The following KLHL1 variants were observed in gnomAD, a reference collection of about 807,000 sequenced individuals.
KLHL1 encodes the protein kelch like family member 1.
A neutral mutation model predicts 77.7 loss-of-function variants in KLHL1; 47 were observed. The observed-to-expected ratio is 0.60, with a 90% CI of 0.48 to 0.77. KLHL1 has a LOEUF of 0.77. Ranked by LOEUF, KLHL1 falls within the 30% of genes least tolerant of loss-of-function variation. The pLI is 0.00. For missense variants in KLHL1, 925 were observed against 910.8 expected (o/e 1.02, Z -0.20); for synonymous variants, 360 against 325.2 (o/e 1.11, Z -1.15).
chr13:69,707,562 C>T (rs970758140), intron 10 of KLHL1, 63 bp downstream of exon 10: 24 of 1,493,630 alleles, frequency 1.6e-5, no homozygotes, highest in Non-Finnish European at 2.2e-5. Flanking sequence ...TACCCCTCCT[C>T]CACAGAAAGT....
chr13:70,024,320 A>G (rs1170945999), intron 1 of KLHL1, among the ~76,000 whole-genome samples: 1 of 151,922 alleles, frequency 6.6e-6, no homozygotes, highest in African/African-American at 2.4e-5. Flanking sequence ...TATTTTCATG[A>G]TAACCATAAC....
At chr13:70,040,480 A>G (rs1050926308) in intron 1 of KLHL1, among the ~76,000 whole-genome samples, 4 of 152,192 alleles carry the variant, frequency 2.6e-5, no homozygotes, top group Non-Finnish European at 2.9e-5. Context: ...CTTATTCCAT[A>G]TAGAATTCTG....
chr13:70,107,580 C>T lies in KLHL1; in HGVS notation c.120G>A (p.Gln40=), dbSNP rs754747379. The T allele has an allele frequency of 2.5e-6, 4 of 1,604,140 alleles. No individual in the cohort carries two copies. The highest frequency in any genetic ancestry group is 3.4e-6 in the Non-Finnish European group (4 of 1,174,860). ...GGPAGGGCLQ[Q]DGSGSFEHWG... ...AGTGCTCAAAGCTGCCACTGCCGTC[C>T]TGTTGCAGGCAGCCTCCCCCCGCCG... The change falls in exon 1 of 11, where the codon CAG becomes CAA. Residue 40 remains glutamine (Q), a synonymous_variant. Transcript: ENST00000377844.
intron 8 of KLHL1, among the ~76,000 whole-genome samples, chr13:69,731,158 T>C (rs1873528507): frequency 6.6e-6 from 1 of 152,160 alleles, no homozygotes; most frequent in South Asian, 2.1e-4. Flanking sequence ...ATATATACAT[T>C]TTCTATTGAG....
intron 1 of KLHL1, among the ~76,000 whole-genome samples, chr13:70,077,742 A>G (rs966182607): frequency 1.3e-5 from 2 of 152,036 alleles, no homozygotes; most frequent in African/African-American, 2.4e-5. Context: ...TAAAAATCTA[A>G]CTGCTTTTAA....
intron 7 of KLHL1, among the ~76,000 whole-genome samples, chr13:69,774,815 C>A (rs1387096440): frequency 3.9e-5 from 6 of 152,110 alleles, no homozygotes; most frequent in African/African-American, 1.2e-4. Context: ...TATGTGTTAT[C>A]TTTTATTGTA....
In KLHL1 at chr13:69,777,253, T is replaced by A. The variant is rs534568193; in HGVS notation, c.1639+19485A>T. ...TGTAAGTCTATTAAACCTCTTTTTCTTTTTAAATTATCCATTCTCAGGTAT... is the reference window on the plus strand; with the variant it reads ...TGTAAGTCTATTAAACCTCTTTTTCATTTTAAATTATCCATTCTCAGGTAT... On this transcript the variant is annotated intron_variant, in intron 7 of 10. Transcript: ENST00000377844. Among the ~76,000 whole-genome samples, 5 of 152,276 alleles carry A rather than the reference T, an allele frequency of 3.3e-5. No individual in the cohort carries two copies. In the East Asian group the frequency reaches 9.7e-4, roughly 29 times the overall value.
At chr13:69,884,745 T>C (rs1881131780) in intron 4 of KLHL1, among the ~76,000 whole-genome samples, 1 of 152,122 alleles carries the variant, frequency 6.6e-6, no homozygotes, top group South Asian at 2.1e-4. Flanking sequence ...CCTGAATAAA[T>C]TGGTTTGCTT....
intron 1 of KLHL1, among the ~76,000 whole-genome samples, chr13:70,090,215 C>T (rs999830372): frequency 6.6e-6 from 1 of 152,026 alleles, no homozygotes; most frequent in Non-Finnish European, 1.5e-5. Context: ...GAAGACATAT[C>T]AAACAGTAAC....
At chr13:69,846,409 A>G (rs1879461503) in intron 5 of KLHL1, among the ~76,000 whole-genome samples, 1 of 151,544 alleles carries the variant, frequency 6.6e-6, no homozygotes, top group Non-Finnish European at 1.5e-5. Context: ...ATTTACCAAT[A>G]TGAAAAATCG....
intron 7 of KLHL1, among the ~76,000 whole-genome samples, chr13:69,749,398 A>T (rs560781377): frequency 6.6e-6 from 1 of 152,120 alleles, no homozygotes; most frequent in African/African-American, 2.4e-5. Flanking sequence ...GATAATTTTT[A>T]AAATGTCTTT....
At chr13:70,018,880 C>T (rs1441561) in intron 1 of KLHL1, among the ~76,000 whole-genome samples, 82,721 of 151,938 alleles carry the variant, frequency 0.54, 22,767 homozygotes, top group Non-Finnish European at 0.58. Flanking sequence ...GTTATTGAAG[C>T]CAAAAGGACA....
rs187975410 is a variant in KLHL1, at chr13:69,880,212, A to C, written c.1227+2071T>G. On this transcript the variant is annotated intron_variant, in intron 5 of 10. Coordinates refer to ENST00000377844, the MANE Select transcript of KLHL1 (RefSeq NM_020866.3). ...AGCCTAATATTCCTCTGTGTAACAG[A>C]TTTAATAATCTTTACTTTGCATCTG... 2.6e-3 allele frequency among the ~76,000 whole-genome samples: 389 copies of C among 152,306 alleles called. 1 individual carries two copies. Among genetic ancestry groups the C allele is most frequent in the Non-Finnish European group, 4.4e-3 (296 of 68,010 alleles).
At chr13:70,078,176 G>GAATTAA (rs1318120632) in intron 1 of KLHL1, among the ~76,000 whole-genome samples, 5 of 150,668 alleles carry the variant, frequency 3.3e-5, no homozygotes, top group East Asian at 3.9e-4. Flanking sequence ...CTAATGAAGG[G>GAATTAA]AATTAACTCA....
At chr13:70,069,013 C>T (rs1887077588) in intron 1 of KLHL1, among the ~76,000 whole-genome samples, 2 of 152,130 alleles carry the variant, frequency 1.3e-5, no homozygotes, top group Non-Finnish European at 2.9e-5. Context: ...TTCTCCTTAA[C>T]AAGGCCTGAC....
chr13:69,917,104 A>T (rs1882471589), intron 4 of KLHL1, among the ~76,000 whole-genome samples: 1 of 152,084 alleles, frequency 6.6e-6, no homozygotes, highest in Admixed American at 6.6e-5. Flanking sequence ...GCATATACAC[A>T]CAGATTTGTG....
At chr13:69,825,773 G>A (rs1307372733) in intron 6 of KLHL1, among the ~76,000 whole-genome samples, 1 of 152,100 alleles carries the variant, frequency 6.6e-6, no homozygotes, top group African/African-American at 2.4e-5. Context: ...ATGTAAATCA[G>A]ACAGCCCTTG....
intron 5 of KLHL1, among the ~76,000 whole-genome samples, chr13:69,874,047 T>C (rs1404208633): frequency 1.3e-5 from 2 of 152,084 alleles, no homozygotes; most frequent in African/African-American, 4.8e-5. Context: ...AATTGAGGGG[T>C]GGAGTGGGGC....
intron 6 of KLHL1, among the ~76,000 whole-genome samples, chr13:69,804,746 A>G (rs1186522119): frequency 1.3e-5 from 2 of 152,186 alleles, no homozygotes; most frequent in African/African-American, 4.8e-5. Flanking sequence ...GATAAAATCC[A>G]TATTATATAA....
Sources: allele counts gnomAD v4.1 joint callset (sites outside exome capture counted in the v4.1 genomes callset), GRCh38; gene constraint gnomAD v4.1.1; transcripts MANE v1.5; gene names NCBI Gene and HGNC (gene_info 2026-07-23, HGNC 2026-07-21).